PRR5: variants seen among roughly 807,000 people sequenced by gnomAD.
PRR5 encodes the protein proline rich 5, also known as proline-rich protein 5.
Under a neutral mutation model 30.6 loss-of-function variants are expected in PRR5, and 25 were observed. The ratio of observed to expected loss-of-function variants is 0.82; its 90% CI spans 0.60 to 1.14. The LOEUF is 1.14. Ranked by LOEUF, PRR5 falls within the 50% of genes most tolerant of loss-of-function variation. PRR5 has a pLI of 0.00. For missense variants in PRR5, 600 were observed against 547.1 expected (o/e 1.10, Z -0.96); for synonymous variants, 286 against 247.1 (o/e 1.16, Z -1.48).
chr22:44,713,581 G>C (rs1357950546), intron 1 of PRR5, among the ~76,000 whole-genome samples: 2 of 152,126 alleles, frequency 1.3e-5, no homozygotes, highest in East Asian at 3.9e-4. Flanking sequence ...GCCCTGGCTG[G>C]TCTTGACCTC....
At chr22:44,690,712 GTTA>G (rs961585247) in intron 1 of PRR5, among the ~76,000 whole-genome samples, 3 of 152,260 alleles carry the variant, frequency 2.0e-5, no homozygotes, top group Admixed American at 6.5e-5. Context: ...ACTACCCACT[GTTA>G]TTATTATTAT....
chr22:44,705,086 C>T (rs1172763609), intron 1 of PRR5, among the ~76,000 whole-genome samples: 1 of 152,188 alleles, frequency 6.6e-6, no homozygotes, highest in Non-Finnish European at 1.5e-5. Context: ...ACTGTATTAG[C>T]TTCCCAGAGC....
intron 1 of PRR5, among the ~76,000 whole-genome samples, chr22:44,678,685 C>CGCA (rs1372195637): frequency 1.3e-5 from 2 of 152,096 alleles, no homozygotes; most frequent in Non-Finnish European, 2.9e-5. Context: ...TCCTGTTCAC[C>CGCA]GCAGGCCAGG....
At chr22:44,671,636 A>T (rs889387937) in intron 1 of PRR5, among the ~76,000 whole-genome samples, 2 of 152,122 alleles carry the variant, frequency 1.3e-5, no homozygotes, top group Non-Finnish European at 2.9e-5. Context: ...AAGCTGGGAA[A>T]ATTGCCTAAG....
chr22:44,697,635 G>A (rs1025622275), upstream of PRR5, among the ~76,000 whole-genome samples: 5 of 152,236 alleles, frequency 3.3e-5, no homozygotes, highest in East Asian at 1.9e-4. Context: ...TAGGAAAGCA[G>A]GCAGGGCGTG....
chr22:44,718,618 A>G (rs1602049286), intron 2 of PRR5, among the ~76,000 whole-genome samples: 1 of 143,712 alleles, frequency 7.0e-6, no homozygotes, highest in East Asian at 2.0e-4. Context: ...TGTCCCACTT[A>G]GCAGCGTATA....
At chr22:44,682,205 A>AC (rs138929613) in intron 1 of PRR5, among the ~76,000 whole-genome samples, 5,428 of 152,214 alleles carry the variant, frequency 0.036, 164 homozygotes, top group African/African-American at 0.084. Flanking sequence ...AGCTGAGAGG[A>AC]CCCTCCAGGG....
chr22:44,723,851 C>G (rs1437989696), intron 2 of PRR5, among the ~76,000 whole-genome samples: 1 of 152,198 alleles, frequency 6.6e-6, no homozygotes, highest in Non-Finnish European at 1.5e-5. Context: ...TTTCTTGTAT[C>G]CATTTTTACA....
chr22:44,732,846 A>T (rs200871761), intron 6 of PRR5, among the ~76,000 whole-genome samples: 1 of 13,418 alleles, frequency 7.5e-5, no homozygotes, highest in Admixed American at 1.2e-3. Flanking sequence ...ACACACGTGC[A>T]CACACGTGCA....
At chr22:44,721,293 A>G (rs1929898356) in intron 2 of PRR5, among the ~76,000 whole-genome samples, 1 of 152,184 alleles carries the variant, frequency 6.6e-6, no homozygotes. Context: ...TGGGGTTGAA[A>G]TACCCTCTAG....
chr22:44,729,838 A>G (rs552642393), intron 4 of PRR5: 1 of 985,460 alleles, frequency 1.0e-6, no homozygotes, highest in East Asian at 1.1e-4. Flanking sequence ...AGCAGAACGC[A>G]GGCCTGGCCG....
intron 1 of PRR5, among the ~76,000 whole-genome samples, chr22:44,710,149 G>A (rs1037985519): frequency 1.3e-5 from 2 of 152,148 alleles, no homozygotes; most frequent in Non-Finnish European, 2.9e-5. Flanking sequence ...GCCTGTTCTG[G>A]ACAGACAGGG....
At chr22:44,673,273 C>T (rs117869437), upstream of PRR5, among the ~76,000 whole-genome samples, 5 of 152,354 alleles carry the variant, frequency 3.3e-5, no homozygotes, top group East Asian at 9.7e-4. Flanking sequence ...GAGGGTGTTA[C>T]TCTCCGTGCC....
chr22:44,685,690 C>T (rs564022748), intron 1 of PRR5, among the ~76,000 whole-genome samples: 28 of 152,348 alleles, frequency 1.8e-4, no homozygotes, highest in Admixed American at 1.4e-3. Context: ...CTCTGCCAGG[C>T]GTGGGCTGTG....
intron 7 of PRR5, among the ~76,000 whole-genome samples, chr22:44,736,254 G>T (rs1314973142): frequency 6.6e-6 from 1 of 152,200 alleles, no homozygotes; most frequent in African/African-American, 2.4e-5. Flanking sequence ...CCCCAGGATG[G>T]AATCCCCGCC....
chr22:44,728,362 G>A (rs1921252488), intron 4 of PRR5, among the ~76,000 whole-genome samples: 1 of 152,244 alleles, frequency 6.6e-6, no homozygotes, highest in Non-Finnish European at 1.5e-5. Flanking sequence ...CCACTTGAGT[G>A]TTCTCTACAT....
At chr22:44,735,690 C>G (rs1923100933) in intron 7 of PRR5, among the ~76,000 whole-genome samples, 1 of 152,212 alleles carries the variant, frequency 6.6e-6, no homozygotes, top group Admixed American at 6.5e-5. Flanking sequence ...AGCCCACGCC[C>G]TTCCCCTCCC....
At chr22:44,672,896 A>C (rs1465800091), upstream of PRR5, among the ~76,000 whole-genome samples, 1 of 152,162 alleles carries the variant, frequency 6.6e-6, no homozygotes, top group African/African-American at 2.4e-5. Flanking sequence ...CACGGCTGGG[A>C]CTCAAACCTG....
At chr22:44,668,860 G>A (rs1184442517) in intron 1 of PRR5, 1 of 149,508 alleles carries the variant, frequency 6.7e-6, no homozygotes, top group Non-Finnish European at 1.5e-5. Context: ...CGGGTGGCTG[G>A]GGTTGGGGGG....
Sources: allele counts gnomAD v4.1 joint callset (sites outside exome capture counted in the v4.1 genomes callset), GRCh38; gene constraint gnomAD v4.1.1; transcripts MANE v1.5; gene names NCBI Gene and HGNC (gene_info 2026-07-23, HGNC 2026-07-21).